PLA2G5: variants seen among roughly 807,000 people sequenced by gnomAD.
PLA2G5 encodes phospholipase A2 group V, also known as Ca2+-dependent phospholipase A2.
PLA2G5 carries 12 observed loss-of-function variants against 15.9 expected under a neutral mutation model. The ratio of observed to expected loss-of-function variants is 0.76; its 90% CI spans 0.48 to 1.23. The LOEUF (loss-of-function observed/expected upper bound fraction) is 1.23. Among genes scored for constraint, PLA2G5 ranks in the 50% most tolerant of loss-of-function variants. The pLI, the probability that PLA2G5 is intolerant of heterozygous loss-of-function variation, is 0.00. For synonymous variants in PLA2G5, 71 were observed against 71.4 expected, an observed-to-expected ratio of 0.99 and a Z score of 0.03; for missense variants, 169 against 177.1, an observed-to-expected ratio of 0.95 and a Z score of 0.26.
At chr1:20,042,478 T>C (rs2013660578) in intron 1 of PLA2G5, among the ~76,000 whole-genome samples, 1 of 152,028 alleles carries the variant, frequency 6.6e-6, no homozygotes, top group Non-Finnish European at 1.5e-5. Context: ...AGCTCTTGTG[T>C]AGGAATTTTG....
intron 2 of PLA2G5, among the ~76,000 whole-genome samples, chr1:20,060,883 A>T (rs1053902092): frequency 2.0e-5 from 3 of 151,796 alleles, no homozygotes; most frequent in African/African-American, 7.3e-5. Flanking sequence ...ATGCCCAGCT[A>T]ATTTTGTATT....
intron 1 of PLA2G5, among the ~76,000 whole-genome samples, chr1:20,071,544 A>C (rs559776984): frequency 6.6e-6 from 1 of 152,290 alleles, no homozygotes; most frequent in Admixed American, 6.5e-5. Context: ...GGTGCTGTGA[A>C]GAGAGAGAGC....
At position 20,029,380 on chromosome 1, in the gene PLA2G5, C is replaced by CATGTTCCTCCGCTGAT. The variant is rs1177675762; in HGVS notation, n.276+691_276+706dup. ...CTCCGCTGACATGTTCCTCCGCTGA[C>CATGTTCCTCCGCTGAT]ATGTTCCTCCGCTGATATGTTCCTC... On this transcript the variant is annotated intron_variant and non_coding_transcript_variant, in intron 1 of 6. Transcript: ENST00000460175. Among the ~76,000 whole-genome samples, 68 of 149,538 alleles carry CATGTTCCTCCGCTGAT rather than the reference C, an allele frequency of 4.5e-4. No individual in the cohort carries two copies. The East Asian group carries it at 7.0e-3, about 15-fold the overall frequency.
chr1:20,035,124 G>A (rs75360085), intron 1 of PLA2G5, among the ~76,000 whole-genome samples: 2,124 of 152,182 alleles, frequency 0.014, 47 homozygotes, highest in African/African-American at 0.048. Context: ...ATTTTGAAGC[G>A]AAGGCAAGGG....
intron 1 of PLA2G5, among the ~76,000 whole-genome samples, chr1:20,078,686 C>T (rs2015832832): frequency 6.6e-6 from 1 of 152,044 alleles, no homozygotes; most frequent in Non-Finnish European, 1.5e-5. Context: ...CTTCCGGGAG[C>T]CCAGTGGTTA....
At chr1:20,032,669 A>G (rs1406591807) in intron 1 of PLA2G5, among the ~76,000 whole-genome samples, 3 of 152,206 alleles carry the variant, frequency 2.0e-5, no homozygotes, top group Non-Finnish European at 2.9e-5. Flanking sequence ...TTGTGTACAT[A>G]TGAAAGTACA....
At chr1:20,071,936 T>C (rs1389367925) in intron 1 of PLA2G5, among the ~76,000 whole-genome samples, 1 of 152,074 alleles carries the variant, frequency 6.6e-6, no homozygotes, top group East Asian at 1.9e-4. Context: ...GGTGAAGCCC[T>C]GTCCCTACTA....
At chr1:20,082,788 G>A (rs1191292066) in intron 1 of PLA2G5, among the ~76,000 whole-genome samples, 4 of 151,880 alleles carry the variant, frequency 2.6e-5, no homozygotes, top group Non-Finnish European at 5.9e-5. Context: ...ATGTCAAAGC[G>A]TCCTAAAATA....
At chr1:20,053,801 A>C (rs958242315) in intron 1 of PLA2G5, among the ~76,000 whole-genome samples, 10 of 152,212 alleles carry the variant, frequency 6.6e-5, no homozygotes, top group Non-Finnish European at 1.2e-4. Flanking sequence ...ACATATTATC[A>C]AACAAAGTTC....
At chr1:20,029,359 G>GCTGACATGTTCCTCCA (rs1390696786) in intron 1 of PLA2G5, among the ~76,000 whole-genome samples, 35 of 147,968 alleles carry the variant, frequency 2.4e-4, no homozygotes, top group African/African-American at 9.2e-4. Flanking sequence ...ACGTTCCTCC[G>GCTGACATGTTCCTCCA]CTGACATGTT....
intron 1 of PLA2G5, among the ~76,000 whole-genome samples, chr1:20,044,926 T>G (rs2013811972): frequency 6.6e-6 from 1 of 151,382 alleles, no homozygotes; most frequent in African/African-American, 2.4e-5. Flanking sequence ...AAAGGAGGAT[T>G]TGGGATGGGT....
chr1:20,089,728 T>C, intron 3 of PLA2G5, 61 bp from the exon 4 acceptor site: 3 of 1,364,998 alleles, frequency 2.2e-6, no homozygotes, highest in Non-Finnish European at 3.1e-6. Flanking sequence ...TTTGCTCCTA[T>C]TAGGGATGGG....
In PLA2G5 at chr1:20,090,778, G is replaced by C. The variant is rs2016532297; in HGVS notation, c.*86G>C. On this transcript the variant is annotated 3_prime_UTR_variant, in exon 5 of 5. Coordinates refer to ENST00000375108, the MANE Select transcript of PLA2G5 (RefSeq NM_000929.3). ...TACTGACTCTGCCTGGTTCCTGAGA[G>C]AGGCTCCTAAGTCACAGACCTCAGT... is the stretch of plus-strand genomic sequence containing the variant. 1 of 1,427,232 alleles carries C rather than the reference G, an allele frequency of 7.0e-7. No individual in the cohort carries two copies. Among genetic ancestry groups the C allele is most frequent in the Non-Finnish European group, 9.8e-7 (1 of 1,017,488 alleles). 88.4% of individuals were successfully genotyped at this position (1,427,232 alleles called of 1,614,324 possible). A position where few individuals can be genotyped will look rare whatever the true frequency, so the allele number is the denominator to read the frequency against.
intron 1 of PLA2G5, among the ~76,000 whole-genome samples, chr1:20,078,835 A>G (rs939196774): frequency 3.3e-5 from 5 of 152,106 alleles, no homozygotes; most frequent in Non-Finnish European, 7.4e-5. Context: ...GGCGGGGTAC[A>G]GTGGCTCATG....
chr1:20,079,962 C>T (rs566834800), intron 1 of PLA2G5, among the ~76,000 whole-genome samples: 1 of 152,232 alleles, frequency 6.6e-6, no homozygotes, highest in East Asian at 1.9e-4. Flanking sequence ...TCCCGAGTCA[C>T]CCCAGCTCAG....
chr1:20,060,227 T>TACTG (rs1199887518), intron 2 of PLA2G5, among the ~76,000 whole-genome samples: 2 of 127,756 alleles, frequency 1.6e-5, no homozygotes, highest in South Asian at 2.7e-4. Context: ...GTTCACTATT[T>TACTG]ACTGACTTTC....
At chr1:20,050,221 TG>T (rs984321883) in intron 1 of PLA2G5, among the ~76,000 whole-genome samples, 2 of 152,198 alleles carry the variant, frequency 1.3e-5, no homozygotes, top group Non-Finnish European at 2.9e-5. Flanking sequence ...CTTTGACTCC[TG>T]GGTCTAAAAA....
intron 1 of PLA2G5, among the ~76,000 whole-genome samples, chr1:20,052,621 C>T (rs1360948146): frequency 2.6e-5 from 4 of 152,172 alleles, no homozygotes; most frequent in African/African-American, 9.7e-5. Flanking sequence ...TTCGGACCTA[C>T]TCATCCAGGA....
intron 2 of PLA2G5, among the ~76,000 whole-genome samples, chr1:20,062,131 T>C (rs1373801740): frequency 3.9e-5 from 6 of 152,216 alleles, no homozygotes; most frequent in Non-Finnish European, 5.9e-5. Flanking sequence ...GAGCATACGC[T>C]GGCATCATGC....
Sources: allele counts gnomAD v4.1 joint callset (sites outside exome capture counted in the v4.1 genomes callset), GRCh38; gene constraint gnomAD v4.1.1; transcripts MANE v1.5; gene names NCBI Gene and HGNC (gene_info 2026-07-23, HGNC 2026-07-21).